Variants in ZMPSTE24 observed in about 807,000 individuals in gnomAD.
ZMPSTE24 encodes the protein CAAX prenyl protease 1 homolog.
A neutral mutation model predicts 56.7 loss-of-function variants in ZMPSTE24; 48 were observed. The ratio of observed to expected loss-of-function variants is 0.85; its 90% confidence interval spans 0.67 to 1.08. The LOEUF is 1.08. Among genes scored for constraint, ZMPSTE24 ranks in the 50% least tolerant of loss-of-function variants. The probability of loss-of-function intolerance (pLI) is 0.00; values close to 1 mark genes in which losing one functional copy is unlikely to be tolerated. For missense variants in ZMPSTE24, 503 were observed against 548.7 expected (o/e 0.92, Z 0.83); for synonymous variants, 172 against 195.2 (o/e 0.88, Z 0.99).
intron 5 of ZMPSTE24, 86 bp downstream of exon 5, chr1:40,270,213 A>G: frequency 6.8e-7 from 1 of 1,466,750 alleles, no homozygotes; most frequent in African/African-American, 1.4e-5. Flanking sequence ...AACAGTTCTT[A>G]AGAAGCAGCT....
intron 6 of ZMPSTE24, among the ~76,000 whole-genome samples, chr1:40,280,598 G>A (rs1160977069): frequency 6.6e-6 from 1 of 151,892 alleles, no homozygotes; most frequent in Non-Finnish European, 1.5e-5. Flanking sequence ...CTAATTTTTT[G>A]TATTTTTGGT....
intron 6 of ZMPSTE24, among the ~76,000 whole-genome samples, chr1:40,278,068 G>C (rs1374434682): frequency 6.6e-6 from 1 of 151,616 alleles, no homozygotes; most frequent in Non-Finnish European, 1.5e-5. Context: ...AACATGTTTG[G>C]CTCTTCCTGG....
At chr1:40,261,305 A>G (rs1643494435) in intron 2 of ZMPSTE24, among the ~76,000 whole-genome samples, 1 of 152,044 alleles carries the variant, frequency 6.6e-6, no homozygotes, top group Non-Finnish European at 1.5e-5. Context: ...GCATTCTATC[A>G]TTATTCCTGT....
chr1:40,276,846 A>G (rs1643676011), intron 6 of ZMPSTE24, among the ~76,000 whole-genome samples: 1 of 152,230 alleles, frequency 6.6e-6, no homozygotes, highest in South Asian at 2.1e-4. Context: ...ACTGTAGGCA[A>G]TTGTAGCATG....
chr1:40,263,365 CATT>C (rs1453724441), intron 2 of ZMPSTE24, among the ~76,000 whole-genome samples: 2 of 152,148 alleles, frequency 1.3e-5, no homozygotes, highest in Admixed American at 6.5e-5. Context: ...AAAGGATAGG[CATT>C]ATTATTCCCT....
intron 5 of ZMPSTE24, among the ~76,000 whole-genome samples, chr1:40,270,394 G>C (rs986265332): frequency 6.6e-6 from 1 of 152,098 alleles, no homozygotes; most frequent in African/African-American, 2.4e-5. Context: ...GTTTTGGGTT[G>C]TGCATTTGCG....
chr1:40,283,083 C>A (rs10489430), intron 7 of ZMPSTE24, among the ~76,000 whole-genome samples: 14 of 152,002 alleles, frequency 9.2e-5, no homozygotes, highest in African/African-American at 3.1e-4. Context: ...GTTATAAATA[C>A]GTAGATGAAA....
intron 2 of ZMPSTE24, among the ~76,000 whole-genome samples, chr1:40,263,451 A>G (rs905364823): frequency 1.2e-4 from 19 of 152,350 alleles, no homozygotes; most frequent in Non-Finnish European, 2.2e-4. Flanking sequence ...GGACATGCTA[A>G]TAAGTAGGAT....
At chr1:40,274,521 G>GGGAA (rs1643649263) in intron 6 of ZMPSTE24, among the ~76,000 whole-genome samples, 1 of 152,180 alleles carries the variant, frequency 6.6e-6, no homozygotes, top group African/African-American at 2.4e-5. Flanking sequence ...TGACGTCAAT[G>GGGAA]GGAAGATGTT....
chr1:40,272,184 C>CT, intron 6 of ZMPSTE24, 149 bp downstream of exon 6: 1 of 923,296 alleles, frequency 1.1e-6, no homozygotes, highest in Non-Finnish European at 1.5e-6. Flanking sequence ...TACCTTTTGG[C>CT]TTTTTAAGAT....
intron 7 of ZMPSTE24, 24 bp from the exon 8 acceptor site, chr1:40,285,901 T>A: frequency 2.5e-6 from 4 of 1,586,444 alleles, no homozygotes; most frequent in Non-Finnish European, 2.6e-6. Context: ...CTCAATAATT[T>A]ATTTTTGATT....
Position 40,281,481 on chromosome 1 carries a change from G to A in ZMPSTE24, c.908G>A (p.Arg303His), listed in dbSNP as rs760323686. ...CAGGAGGATTCTGGCATGGAACCCC[G>A]CAATGAGGAAGAAGGGAACAGTGAA... is the stretch of plus-strand genomic sequence containing the variant. ...DIQEDSGMEP[R>H]NEEEGNSEEI... The change falls in exon 7 of 10, where the codon CGC (arginine) becomes CAC (histidine). Residue 303 changes from arginine (R) to histidine (H), a missense_variant. Arg to His is a conservative substitution (Grantham distance 29). Transcript: ENST00000372759. 5.6e-6 allele frequency: 9 copies of A among 1,614,060 alleles called. No homozygotes were observed. Among genetic ancestry groups the A allele is most frequent in the Admixed American group, 3.3e-5 (2 of 60,024 alleles).
rs1384959190 is a variant in ZMPSTE24 at position 40,267,794 on chromosome 1, T to C, written c.279T>C (p.Leu93=). 6.2e-7 allele frequency: 1 copy of C among 1,612,810 alleles called. No individual in the cohort carries two copies. The highest frequency in any genetic ancestry group is 1.7e-5 in the Admixed American group (1 of 60,024). Residue 93 remains leucine, a synonymous_variant, in exon 3 of 10, where the codon CTT becomes CTC. Transcript: ENST00000372759. ...LYSETEGTLI[L]LFGGIPYLWR... is the part of the protein sequence containing the mutation. ...TATGCTTTGTTTTATAGCTTATTCT[T>C]CTCTTTGGAGGAATACCTTATCTCT...
intron 4 of ZMPSTE24, among the ~76,000 whole-genome samples, chr1:40,268,894 C>T (rs907923345): frequency 1.1e-4 from 17 of 149,502 alleles, no homozygotes; most frequent in African/African-American, 3.0e-4. Flanking sequence ...TGGCTAACAC[C>T]GTGAAACCCG....
At position 40,269,102 on chromosome 1, in the gene ZMPSTE24, GA is replaced by G. The variant is rs947849186; in HGVS notation, c.474+574del. Among the ~76,000 whole-genome samples the G allele has an allele frequency of 8.6e-5, 11 of 128,364 alleles. No homozygotes were observed. The East Asian group carries it at 1.7e-3, about 19-fold the overall frequency. 84.2% of individuals were successfully genotyped at this position (128,364 alleles called of 152,430 possible). On this transcript the variant is annotated intron_variant, in intron 4 of 9. Transcript: ENST00000372759. ...AAAAAAAAAAAAAAAAAAAAAGAAA[GA>G]AAAAAAGTCTTGACTGGGTACAGTG...
chr1:40,264,811 G>A (rs1643533147), intron 2 of ZMPSTE24, among the ~76,000 whole-genome samples: 1 of 150,400 alleles, frequency 6.6e-6, no homozygotes, highest in Non-Finnish European at 1.5e-5. Context: ...CCCAGGAGAT[G>A]GAGGCTGCAG....
chr1:40,258,806 CTT>C (rs751518099), intron 1 of ZMPSTE24, among the ~76,000 whole-genome samples: 5 of 152,188 alleles, frequency 3.3e-5, no homozygotes, highest in South Asian at 2.1e-4. Context: ...AACTTGCACT[CTT>C]GTTTCTCCTT....
At position 40,293,875 on chromosome 1, in the gene ZMPSTE24, T is replaced by C. The variant is rs1480876660; in HGVS notation, c.*1206T>C. The C allele has an allele frequency of 6.6e-6, 1 of 152,286 alleles. No homozygotes were observed. The highest frequency in any genetic ancestry group is 1.5e-5 in the Non-Finnish European group (1 of 68,040). The allele number at this position is 152,286 out of a possible 1,614,324, so 9.4% of individuals were successfully genotyped here. A position where few individuals can be genotyped will look rare whatever the true frequency, so the allele number is the denominator to read the frequency against. On this transcript the variant is annotated 3_prime_UTR_variant, in exon 10 of 10. Coordinates refer to ENST00000372759, the MANE Select transcript of ZMPSTE24 (RefSeq NM_005857.5). ...AGCTCTCACTCACTGATAATGCTTA[T>C]TACCTTCTGGGCATTTATTCCAAAG...
At chr1:40,263,176 G>T (rs1461522685) in intron 2 of ZMPSTE24, among the ~76,000 whole-genome samples, 1 of 152,204 alleles carries the variant, frequency 6.6e-6, no homozygotes, top group East Asian at 1.9e-4. Flanking sequence ...TGTTCTAGGG[G>T]ATGACAGAAA....
Sources: gnomAD v4.1 joint callset for allele counts (sites outside exome capture counted in the v4.1 genomes callset) on GRCh38, gnomAD v4.1.1 for gene constraint, MANE v1.5 for transcripts, NCBI Gene and HGNC (gene_info 2026-07-23, HGNC 2026-07-21) for gene names.